Variants in FGGY observed in about 807,000 individuals in gnomAD.
FGGY encodes the protein FGGY carbohydrate kinase domain-containing protein.
Under a neutral mutation model 71.3 loss-of-function variants are expected in FGGY, and 72 were observed. The ratio of observed to expected loss-of-function variants is 1.01; its 90% CI spans 0.84 to 1.23. The LOEUF is 1.23. FGGY is among the 50% of genes most tolerant of loss of function. FGGY has a pLI of 0.00. For synonymous variants in FGGY, 251 were observed against 250.3 expected, an observed-to-expected ratio of 1.00 and a Z score of -0.02; for missense variants, 668 against 682.3, an observed-to-expected ratio of 0.98 and a Z score of 0.23.
chr1:59,655,183 G>A (rs991422865), intron 11 of FGGY, among the ~76,000 whole-genome samples: 2 of 152,128 alleles, frequency 1.3e-5, no homozygotes, highest in East Asian at 3.8e-4. Flanking sequence ...GTAAATGAAT[G>A]GGATTGAGCC....
intron 5 of FGGY, among the ~76,000 whole-genome samples, chr1:59,407,395 C>A (rs2062924997): frequency 6.6e-6 from 1 of 152,130 alleles, no homozygotes; most frequent in Non-Finnish European, 1.5e-5. Context: ...TGGTTCGACA[C>A]CAGGGCCTGC....
chr1:59,692,117 T>C (rs1380811005), intron 14 of FGGY, among the ~76,000 whole-genome samples: 1 of 152,194 alleles, frequency 6.6e-6, no homozygotes, highest in Non-Finnish European at 1.5e-5. Flanking sequence ...TAAATGTATC[T>C]TGGGTTAAGT....
intron 5 of FGGY, among the ~76,000 whole-genome samples, chr1:59,443,377 A>G (rs1367061784): frequency 6.6e-6 from 1 of 152,180 alleles, no homozygotes; most frequent in Non-Finnish European, 1.5e-5. Context: ...GGAATTGTAC[A>G]TTATCTCTTT....
chr1:59,604,418 G>A (rs143490685), intron 8 of FGGY, among the ~76,000 whole-genome samples: 182 of 152,328 alleles, frequency 1.2e-3, no homozygotes, highest in African/African-American at 4.2e-3. Context: ...GGATGTCTGA[G>A]GAGAAGCATG....
At chr1:59,531,708 G>A (rs76988708) in intron 7 of FGGY, among the ~76,000 whole-genome samples, 8,726 of 152,258 alleles carry the variant, frequency 0.057, 496 homozygotes, top group African/African-American at 0.15. Context: ...CTGCAGGCTG[G>A]AAGTATATAT....
intron 14 of FGGY, among the ~76,000 whole-genome samples, chr1:59,744,351 G>A (rs1351085858): frequency 6.6e-6 from 1 of 152,196 alleles, no homozygotes; most frequent in Non-Finnish European, 1.5e-5. Flanking sequence ...CTCCCAAGTA[G>A]CTGGGATTAC....
At chr1:59,643,046 A>G (rs2097054087) in intron 11 of FGGY, among the ~76,000 whole-genome samples, 1 of 151,916 alleles carries the variant, frequency 6.6e-6, no homozygotes, top group Admixed American at 6.6e-5. Flanking sequence ...AAAAAAAAAA[A>G]AAAAAGAAAA....
intron 14 of FGGY, chr1:59,699,019 T>C (rs1394232445): frequency 2.0e-6 from 2 of 985,300 alleles, no homozygotes; most frequent in Non-Finnish European, 2.4e-6. Context: ...TTATAGCTTT[T>C]GGTTGAATAT....
At chr1:59,555,898 G>A (rs1210644048) in intron 8 of FGGY, among the ~76,000 whole-genome samples, 2 of 152,170 alleles carry the variant, frequency 1.3e-5, no homozygotes, top group African/African-American at 2.4e-5. Context: ...CTGCTTGGGA[G>A]GCTGAGGCAG....
intron 4 of FGGY, among the ~76,000 whole-genome samples, chr1:59,368,840 C>A (rs1360222793): frequency 6.6e-6 from 1 of 152,060 alleles, no homozygotes; most frequent in South Asian, 2.1e-4. Flanking sequence ...GCCTGTAATA[C>A]CAGCACTTTG....
chr1:59,724,546 C>T (rs1438314867), intron 14 of FGGY, among the ~76,000 whole-genome samples: 5 of 151,762 alleles, frequency 3.3e-5, no homozygotes, highest in Non-Finnish European at 5.9e-5. Context: ...TTTCCCAACT[C>T]CTTGACGATC....
intron 2 of FGGY, among the ~76,000 whole-genome samples, chr1:59,336,720 A>T (rs1008775469): frequency 7.9e-5 from 12 of 151,908 alleles, no homozygotes; most frequent in Non-Finnish European, 1.5e-4. Context: ...TTCAACTCCC[A>T]CTTATGAGTG....
chr1:59,459,054 G>A (rs772861968), intron 6 of FGGY, among the ~76,000 whole-genome samples: 52 of 152,254 alleles, frequency 3.4e-4, no homozygotes, highest in Non-Finnish European at 5.0e-4. Flanking sequence ...AGCATTGAGC[G>A]TCCTGGATTT....
At chr1:59,744,516 C>T (rs951399395) in intron 14 of FGGY, among the ~76,000 whole-genome samples, 16 of 152,122 alleles carry the variant, frequency 1.1e-4, no homozygotes, top group Admixed American at 8.5e-4. Flanking sequence ...CCACTGCGCC[C>T]GGCCCACCCA....
intron 12 of FGGY, among the ~76,000 whole-genome samples, chr1:59,662,442 A>G (rs1026064442): frequency 1.3e-5 from 2 of 152,154 alleles, no homozygotes; most frequent in African/African-American, 2.4e-5. Context: ...CTAGAAACCT[A>G]AGGCTCTGTG....
At chr1:59,518,280 T>C (rs970775525) in intron 7 of FGGY, among the ~76,000 whole-genome samples, 7 of 152,200 alleles carry the variant, frequency 4.6e-5, no homozygotes, top group African/African-American at 1.7e-4. Flanking sequence ...GCCAATAACA[T>C]TTCTCACCAT....
intron 12 of FGGY, among the ~76,000 whole-genome samples, chr1:59,661,127 A>G (rs1352763152): frequency 2.0e-5 from 3 of 152,236 alleles, no homozygotes; most frequent in Non-Finnish European, 2.9e-5. Context: ...TTTTTCAGTA[A>G]CACCTGTTTT....
rs564932967 is a variant in FGGY at position 59,679,767 on chromosome 1, T to C, written c.1512+5634T>C. 7.2e-4 allele frequency among the ~76,000 whole-genome samples: 110 copies of C among 152,270 alleles called. No individual in the cohort carries two copies. The Middle Eastern group carries it at 0.01, about 14-fold the overall frequency. Reference sequence around the variant, plus strand: ...TAGACCTTTTTCCTATACTCAAAAATATGTAGTAAACTTCTTTATTTATCA... The same window carrying C: ...TAGACCTTTTTCCTATACTCAAAAACATGTAGTAAACTTCTTTATTTATCA... On this transcript the variant is annotated intron_variant, in intron 14 of 15. Transcript: ENST00000303721.
chr1:59,694,612 T>C (rs552071177), intron 14 of FGGY, among the ~76,000 whole-genome samples: 1 of 151,986 alleles, frequency 6.6e-6, no homozygotes, highest in African/African-American at 2.4e-5. Context: ...TTTCTCAGAG[T>C]CTTCTTCGAT....
Sources: gnomAD v4.1 joint callset for allele counts (sites outside exome capture counted in the v4.1 genomes callset) on GRCh38, gnomAD v4.1.1 for gene constraint, MANE v1.5 for transcripts, NCBI Gene and HGNC (gene_info 2026-07-23, HGNC 2026-07-21) for gene names.